Variants in DOCK1 observed in about 807,000 individuals in gnomAD.
DOCK1 encodes the protein dedicator of cytokinesis 1, also known as dedicator of cytokinesis protein 1.
DOCK1 carries 138 observed loss-of-function variants against 262.7 expected under a neutral mutation model. The observed-to-expected ratio is 0.53, with a 90% CI of 0.46 to 0.61. The LOEUF (loss-of-function observed/expected upper bound fraction) is 0.61. Among genes scored for constraint, DOCK1 ranks in the 20% least tolerant of loss-of-function variants. DOCK1 has a pLI of 0.00. For synonymous variants in DOCK1, 866 were observed against 867.4 expected (o/e 1.00, Z 0.03); for missense variants, 1,908 against 2,370.7 (o/e 0.80, Z 4.05).
chr10:126,992,070 A>G (rs1440761175), intron 6 of DOCK1, among the ~76,000 whole-genome samples: 1 of 152,240 alleles, frequency 6.6e-6, no homozygotes, highest in African/African-American at 2.4e-5. Flanking sequence ...AACTTCTTAA[A>G]GCAACGTTAT....
chr10:127,261,717 G>C (rs1460054204), intron 29 of DOCK1, among the ~76,000 whole-genome samples: 2 of 144,986 alleles, frequency 1.4e-5, no homozygotes, highest in African/African-American at 2.6e-5. Flanking sequence ...GCATGTGTGT[G>C]CATGTGGGTG....
At position 127,039,021 on chromosome 10, in the gene DOCK1, G is replaced by T. The variant is rs148589421; in HGVS notation, c.2010+1205G>T. Reference sequence around the variant, plus strand: ...CTCAGTTCCTCACTCTCTAGGAGAGGTGATTGCAGAAAGAGACGACCTTAT... The same window carrying T: ...CTCAGTTCCTCACTCTCTAGGAGAGTTGATTGCAGAAAGAGACGACCTTAT... On this transcript the variant is annotated intron_variant, in intron 19 of 51. Transcript: ENST00000623213. Among the ~76,000 whole-genome samples, 1,101 of 152,250 alleles carry T rather than the reference G, an allele frequency of 7.2e-3. 16 individuals are homozygous for T. Among genetic ancestry groups the T allele is most frequent in the African/African-American group, 0.025 (1,035 of 41,528 alleles).
At chr10:127,134,350 C>T (rs2050515956) in intron 27 of DOCK1, among the ~76,000 whole-genome samples, 2 of 152,202 alleles carry the variant, frequency 1.3e-5, no homozygotes. Flanking sequence ...CCAGCCACAT[C>T]TCAGATCTCT....
chr10:126,915,435 G>T (rs551300870), intron 1 of DOCK1, among the ~76,000 whole-genome samples: 4 of 149,600 alleles, frequency 2.7e-5, no homozygotes, highest in African/African-American at 4.9e-5. Flanking sequence ...GGGGGCGGGG[G>T]GGGGATGGAG....
chr10:126,998,392 T>C (rs1168942371), intron 8 of DOCK1, 143 bp downstream of exon 8: 18 of 1,138,464 alleles, frequency 1.6e-5, no homozygotes, highest in Admixed American at 2.3e-5. Flanking sequence ...AGTCAAGAGC[T>C]GTCTTAGACA....
At chr10:127,260,191 G>A (rs1184749613) in intron 29 of DOCK1, among the ~76,000 whole-genome samples, 1 of 152,208 alleles carries the variant, frequency 6.6e-6, no homozygotes, top group East Asian at 1.9e-4. Context: ...CAGCAGGTTG[G>A]TACAGTGGCA....
At chr10:127,393,121 A>C (rs1408866172) in intron 38 of DOCK1, among the ~76,000 whole-genome samples, 1 of 152,190 alleles carries the variant, frequency 6.6e-6, no homozygotes, top group Non-Finnish European at 1.5e-5. Flanking sequence ...TGGAGTGTTT[A>C]CAAGAATTTC....
chr10:127,305,026 G>A (rs191020508), intron 29 of DOCK1, among the ~76,000 whole-genome samples: 1 of 152,162 alleles, frequency 6.6e-6, no homozygotes, highest in East Asian at 1.9e-4. Context: ...CTTCTATAAT[G>A]CCTCATCAAC....
At chr10:126,982,169 T>C in intron 4 of DOCK1, among the ~76,000 whole-genome samples, 196 bp downstream of exon 4, 1 of 152,032 alleles carries the variant, frequency 6.6e-6, no homozygotes, top group Admixed American at 6.6e-5. Context: ...CTTTATGGAG[T>C]CTGAAGTCAG....
At chr10:127,306,810 A>G (rs1348491547) in intron 29 of DOCK1, among the ~76,000 whole-genome samples, 1 of 152,208 alleles carries the variant, frequency 6.6e-6, no homozygotes, top group East Asian at 1.9e-4. Flanking sequence ...AGTGGGGGCC[A>G]TTATAAAGGA....
chr10:127,420,764 G>A (rs919199367), intron 46 of DOCK1, among the ~76,000 whole-genome samples: 10 of 151,510 alleles, frequency 6.6e-5, no homozygotes, highest in African/African-American at 2.2e-4. Context: ...GCTTGAACCC[G>A]GGAGGCGGAG....
chr10:127,406,372 T>C (rs1432287939), intron 40 of DOCK1, among the ~76,000 whole-genome samples: 2 of 152,134 alleles, frequency 1.3e-5, no homozygotes, highest in Non-Finnish European at 2.9e-5. Context: ...CTGGGTCATC[T>C]CCACCACCAA....
intron 33 of DOCK1, among the ~76,000 whole-genome samples, chr10:127,363,071 A>T (rs2064682829): frequency 1.4e-5 from 2 of 144,558 alleles, no homozygotes; most frequent in South Asian, 2.2e-4. Flanking sequence ...CCCCACATAT[A>T]CACATATGTG....
At chr10:127,360,773 A>T (rs1420021008) in intron 32 of DOCK1, among the ~76,000 whole-genome samples, 4 of 152,204 alleles carry the variant, frequency 2.6e-5, no homozygotes, top group Non-Finnish European at 4.4e-5. Flanking sequence ...AGGAATTTGT[A>T]AAATGAGGGT....
chr10:127,238,344 A>G (rs906257802), intron 27 of DOCK1, among the ~76,000 whole-genome samples: 1 of 152,172 alleles, frequency 6.6e-6, no homozygotes, highest in Non-Finnish European at 1.5e-5. Flanking sequence ...AATTAGGAAG[A>G]ATCTATAGGG....
intron 27 of DOCK1, among the ~76,000 whole-genome samples, chr10:127,196,976 C>G (rs2057218516): frequency 6.6e-6 from 1 of 152,064 alleles, no homozygotes. Flanking sequence ...CCAGCCTGGC[C>G]CGGCGGGGCT....
intron 29 of DOCK1, among the ~76,000 whole-genome samples, chr10:127,269,618 G>A (rs948517890): frequency 5.3e-5 from 8 of 152,202 alleles, no homozygotes; most frequent in African/African-American, 1.9e-4. Context: ...CTGTTCAGAA[G>A]CCAGTCACCA....
chr10:127,106,347 C>A (rs1475613287), intron 24 of DOCK1, 46 bp downstream of exon 24: 1 of 1,557,218 alleles, frequency 6.4e-7, no homozygotes, highest in Non-Finnish European at 8.7e-7. Flanking sequence ...CCGTGTGTGA[C>A]CTCCTTCTCA....
At chr10:127,351,211 CCTCCT>C (rs1430076269) in intron 31 of DOCK1, among the ~76,000 whole-genome samples, 6 of 152,236 alleles carry the variant, frequency 3.9e-5, no homozygotes, top group Admixed American at 6.5e-5. Flanking sequence ...AGGAAGTGTG[CCTCCT>C]AAGCGTAGGT....
Sources: gnomAD v4.1 joint callset for allele counts (sites outside exome capture counted in the v4.1 genomes callset) on GRCh38, gnomAD v4.1.1 for gene constraint, MANE v1.5 for transcripts, NCBI Gene and HGNC (gene_info 2026-07-23, HGNC 2026-07-21) for gene names.